Variants in THSD7A observed in about 807,000 individuals in gnomAD.
THSD7A encodes the protein thrombospondin type-1 domain-containing protein 7A.
In THSD7A, 96 loss-of-function variants were observed where a neutral mutation model predicts 231.3. The observed-to-expected ratio is 0.41, with a 90% CI of 0.35 to 0.49. The LOEUF (loss-of-function observed/expected upper bound fraction) is 0.49. Among genes scored for constraint, THSD7A ranks in the 20% least tolerant of loss-of-function variants. The pLI is 0.05. For missense variants in THSD7A, 2,290 were observed against 2,070.2 expected, an observed-to-expected ratio of 1.11 and a Z score of -2.06; for synonymous variants, 940 against 743.3, an observed-to-expected ratio of 1.26 and a Z score of -4.30.
intron 23 of THSD7A, among the ~76,000 whole-genome samples, chr7:11,392,527 G>C (rs1384499349): frequency 6.6e-6 from 1 of 152,106 alleles, no homozygotes. Context: ...GCACCAGCAG[G>C]ACCGAACTAT....
chr7:11,803,795 A>T (rs1784337144), intron 1 of THSD7A, among the ~76,000 whole-genome samples: 1 of 152,160 alleles, frequency 6.6e-6, no homozygotes. Context: ...ATTCCAAGAC[A>T]ATCTAATTGT....
intron 26 of THSD7A, among the ~76,000 whole-genome samples, chr7:11,378,416 G>T (rs986659672): frequency 1.3e-5 from 2 of 152,186 alleles, no homozygotes; most frequent in Non-Finnish European, 2.9e-5. Flanking sequence ...CATATCATGA[G>T]GTATTCAAGC....
chr7:11,451,220 C>A (rs918077614), intron 11 of THSD7A, among the ~76,000 whole-genome samples: 1 of 151,938 alleles, frequency 6.6e-6, no homozygotes, highest in African/African-American at 2.4e-5. Flanking sequence ...AAGAAATACA[C>A]GAACCAAATG....
Position 11,763,352 on chromosome 7 carries a change from C to T in THSD7A, c.190+68405G>A, listed in dbSNP as rs577268476. ...TAAAATATCACTTCTCAGGGTAATA[C>T]TTTGCTGTCCATATCTTGACTGAAC... On this transcript the variant is annotated intron_variant, in intron 1 of 27. Transcript: ENST00000423059. Among the ~76,000 whole-genome samples the T allele has an allele frequency of 2.0e-5, 3 of 152,286 alleles. No individual in the cohort carries two copies. The East Asian group carries it at 5.8e-4, about 29-fold the overall frequency.
chr7:11,796,618 T>A (rs1308863815), intron 1 of THSD7A, among the ~76,000 whole-genome samples: 1 of 143,092 alleles, frequency 7.0e-6, no homozygotes, highest in Admixed American at 6.8e-5. Flanking sequence ...TCTTGTAAGA[T>A]TATCTCTAAG....
rs762918402 is a variant in THSD7A, at chr7:11,636,577, T to C, written c.575A>G (p.Gln192Arg). 1.2e-6 allele frequency: 2 copies of C among 1,614,016 alleles called. No homozygotes were observed. The highest frequency in any genetic ancestry group is 1.1e-5 in the South Asian group (1 of 91,084). The change falls in exon 2 of 28, where the codon CAG becomes CGG. Residue 192 changes from glutamine to arginine, a missense_variant. Transcript: ENST00000423059. This position sits in a 1 kb window ranked among gnomAD's most constrained non-coding sequence, Gnocchi z 10.0. Reference sequence around the variant, plus strand: ...AAATTCAGACACGATGCAATCTTGCTGGCAAGGAATGAGGCAAGCCTGCTC... The same window carrying C: ...AAATTCAGACACGATGCAATCTTGCCGGCAAGGAATGAGGCAAGCCTGCTC... ...LLEQACLIPC[Q>R]QDCIVSEFSA...
chr7:11,716,634 T>A (rs547871880), intron 1 of THSD7A, among the ~76,000 whole-genome samples: 15 of 151,634 alleles, frequency 9.9e-5, no homozygotes, highest in African/African-American at 3.1e-4. Flanking sequence ...CAGTAGGGGT[T>A]TTTTTAAATC....
intron 6 of THSD7A, among the ~76,000 whole-genome samples, chr7:11,533,331 A>G (rs1788781806): frequency 6.6e-6 from 1 of 152,174 alleles, no homozygotes; most frequent in African/African-American, 2.4e-5. Flanking sequence ...TCAAGAGCTC[A>G]GAATGAAAGA....
chr7:11,427,539 G>T (rs1028958243), intron 14 of THSD7A, among the ~76,000 whole-genome samples: 2 of 152,036 alleles, frequency 1.3e-5, no homozygotes, highest in Non-Finnish European at 2.9e-5. Flanking sequence ...ATTCACTTAA[G>T]GAAAATCTGA....
At chr7:11,565,481 G>A (rs975534070) in intron 4 of THSD7A, among the ~76,000 whole-genome samples, 6 of 152,180 alleles carry the variant, frequency 3.9e-5, no homozygotes, top group African/African-American at 1.2e-4. Flanking sequence ...GGAACACAAG[G>A]TTACCTGTTA....
At chr7:11,425,012 C>T (rs1211264796) in intron 15 of THSD7A, among the ~76,000 whole-genome samples, 183 bp from the exon 16 acceptor site, 1 of 152,160 alleles carries the variant, frequency 6.6e-6, no homozygotes, top group South Asian at 2.1e-4. Context: ...ATAGGGCTAA[C>T]CATATTGTAC....
intron 1 of THSD7A, among the ~76,000 whole-genome samples, chr7:11,812,554 A>G (rs1343799258): frequency 6.6e-6 from 1 of 152,202 alleles, no homozygotes. Flanking sequence ...ATCAGTCAAC[A>G]TATCACATAG....
chr7:11,725,905 T>G (rs981679433), intron 1 of THSD7A, among the ~76,000 whole-genome samples: 1 of 151,990 alleles, frequency 6.6e-6, no homozygotes, highest in African/African-American at 2.4e-5. Flanking sequence ...TGTTGCAACA[T>G]AAAATTTTAC....
Position 11,375,714 on chromosome 7 carries a change from T to A in THSD7A, c.*80A>T, listed in dbSNP as rs1782242101. The A allele has an allele frequency of 3.5e-6, 4 of 1,134,000 alleles. No individual in the cohort carries two copies. The South Asian group carries it at 5.3e-5, about 15-fold the overall frequency. The allele number at this position is 1,134,000 out of a possible 1,614,324, so 70.2% of individuals were successfully genotyped here. On this transcript the variant is annotated 3_prime_UTR_variant, in exon 28 of 28. Coordinates refer to ENST00000423059, the MANE Select transcript of THSD7A (RefSeq NM_015204.3). ...TTAAAATATATTTTAATCCACACAG[T>A]TTGGATACATTTGTTGTGGCCTCTG...
chr7:11,380,948 A>G (rs562906200), intron 24 of THSD7A, among the ~76,000 whole-genome samples: 45 of 152,332 alleles, frequency 3.0e-4, no homozygotes, highest in African/African-American at 7.0e-4. Flanking sequence ...AATAGCCCCA[A>G]TTGCAGTGGA....
At chr7:11,416,355 T>C (rs1390563872) in intron 17 of THSD7A, among the ~76,000 whole-genome samples, 4 of 152,334 alleles carry the variant, frequency 2.6e-5, no homozygotes, top group Non-Finnish European at 4.4e-5. Flanking sequence ...ATGGAATCTC[T>C]TCATAATATG....
At chr7:11,423,526 G>A (rs1258863466) in intron 16 of THSD7A, among the ~76,000 whole-genome samples, 2 of 151,922 alleles carry the variant, frequency 1.3e-5, no homozygotes, top group East Asian at 1.9e-4. Flanking sequence ...CCGCCGCCAC[G>A]CCCAGCTAAT....
At chr7:11,493,932 T>C (rs2128308217) in intron 6 of THSD7A, among the ~76,000 whole-genome samples, 1 of 152,020 alleles carries the variant, frequency 6.6e-6, no homozygotes, top group South Asian at 2.1e-4. Context: ...TATGATTCAA[T>C]AAAATACAAT....
intron 1 of THSD7A, among the ~76,000 whole-genome samples, chr7:11,688,484 G>T (rs556657945): frequency 9.9e-5 from 15 of 151,930 alleles, no homozygotes; most frequent in African/African-American, 3.6e-4. Context: ...CATTCAAAAT[G>T]AGATGATGCC....
Sources: allele counts gnomAD v4.1 joint callset (sites outside exome capture counted in the v4.1 genomes callset), GRCh38; gene constraint gnomAD v4.1.1; non-coding constraint Gnocchi (gnomAD v3.1); transcripts MANE v1.5; gene names NCBI Gene and HGNC (gene_info 2026-07-23, HGNC 2026-07-21).